The following SLC39A8 variants were observed in gnomAD, a reference collection of about 807,000 sequenced individuals.
SLC39A8 encodes the protein metal cation symporter ZIP8.
Under a neutral mutation model 40.4 loss-of-function variants are expected in SLC39A8, and 15 were observed. The observed-to-expected ratio is 0.37, with a 90% CI of 0.25 to 0.57. The LOEUF (loss-of-function observed/expected upper bound fraction) is 0.57. SLC39A8 is among the 20% of genes least tolerant of loss of function. The pLI is 0.75. For missense variants in SLC39A8, 472 were observed against 558.8 expected (o/e 0.84, Z 1.57); for synonymous variants, 223 against 221.6 (o/e 1.01, Z -0.06).
intron 6 of SLC39A8, among the ~76,000 whole-genome samples, chr4:102,303,370 A>G (rs147300220): frequency 4.5e-4 from 68 of 152,038 alleles, no homozygotes; most frequent in Non-Finnish European, 7.1e-4. Context: ...CTAAGCACTT[A>G]GATTAGTCTA....
chr4:102,308,023 T>C (rs1327617202), intron 3 of SLC39A8, among the ~76,000 whole-genome samples: 1 of 120,358 alleles, frequency 8.3e-6, no homozygotes, highest in East Asian at 2.8e-4. Context: ...GACAAAGGTA[T>C]GGGGTGATGG....
intron 6 of SLC39A8, among the ~76,000 whole-genome samples, chr4:102,301,589 A>T (rs1320708089): frequency 1.3e-5 from 2 of 152,106 alleles, no homozygotes; most frequent in African/African-American, 4.8e-5. Flanking sequence ...AGGACAATGA[A>T]CAGGAACTCA....
At chr4:102,297,045 C>A (rs776006122) in intron 6 of SLC39A8, among the ~76,000 whole-genome samples, 1 of 151,896 alleles carries the variant, frequency 6.6e-6, no homozygotes, top group Non-Finnish European at 1.5e-5. Context: ...GTTACAATGA[C>A]CCTGTCTCAA....
At chr4:102,261,187 T>G (rs767476803), downstream of SLC39A8, among the ~76,000 whole-genome samples, 1 of 152,196 alleles carries the variant, frequency 6.6e-6, no homozygotes, top group Admixed American at 6.5e-5. Flanking sequence ...GGACCTTAAA[T>G]GAGCACAGAA....
chr4:102,299,287 T>C (rs575030482), intron 6 of SLC39A8, among the ~76,000 whole-genome samples: 1 of 151,192 alleles, frequency 6.6e-6, no homozygotes, highest in Non-Finnish European at 1.5e-5. Context: ...TCAGTTTTTT[T>C]TGTATTTCAT....
At chr4:102,304,260 T>C in intron 6 of SLC39A8, 57 bp downstream of exon 6, 2 of 1,402,712 alleles carry the variant, frequency 1.4e-6, no homozygotes, top group Non-Finnish European at 2.0e-6. Flanking sequence ...TAAACAGTCA[T>C]GTTTACACAG....
At chr4:102,320,860 C>T (rs926396992) in intron 2 of SLC39A8, among the ~76,000 whole-genome samples, 2 of 150,282 alleles carry the variant, frequency 1.3e-5, no homozygotes, top group African/African-American at 4.9e-5. Flanking sequence ...GCAATGTTTC[C>T]TGAATGAAAT....
At chr4:102,264,208 T>G (rs1302685902) in intron 8 of SLC39A8, among the ~76,000 whole-genome samples, 7 of 152,210 alleles carry the variant, frequency 4.6e-5, no homozygotes, top group Non-Finnish European at 1.0e-4. Flanking sequence ...TGATATGATT[T>G]GTAAGTCAAA....
At position 102,344,846 on chromosome 4, in the gene SLC39A8, G is replaced by C; in HGVS notation, c.-184C>G. ...GAAAGAACAGCAGCTCGCGACCTGC[G>C]GGGCATTGAAGTGGCAGCGTAGCCG... On this transcript the variant is annotated 5_prime_UTR_variant, in exon 2 of 9. Transcript: ENST00000356736. The C allele has an allele frequency of 1.5e-6, 2 of 1,317,904 alleles. No homozygotes were observed. The highest frequency in any genetic ancestry group is 1.9e-6 in the Non-Finnish European group (2 of 1,039,124). 81.6% of individuals were successfully genotyped at this position (1,317,904 alleles called of 1,614,324 possible). A position where few individuals can be genotyped will look rare whatever the true frequency, so the allele number is the denominator to read the frequency against.
intron 6 of SLC39A8, among the ~76,000 whole-genome samples, chr4:102,288,080 A>G (rs1733260117): frequency 1.3e-5 from 2 of 152,126 alleles, no homozygotes; most frequent in Admixed American, 6.6e-5. Flanking sequence ...TGTGCTTCTC[A>G]GATATTGTGA....
intron 6 of SLC39A8, among the ~76,000 whole-genome samples, chr4:102,297,136 A>G (rs538894885): frequency 2.6e-5 from 4 of 152,240 alleles, no homozygotes; most frequent in African/African-American, 9.6e-5. Flanking sequence ...TATTCTAAAA[A>G]TGTTCAGAGA....
chr4:102,304,289 A>C, intron 6 of SLC39A8, 28 bp downstream of exon 6: 1 of 1,578,750 alleles, frequency 6.3e-7, no homozygotes. Context: ...ATGCAGTATA[A>C]TGAAGGAAAA....
chr4:102,313,123 C>T (rs1734517324), intron 3 of SLC39A8, among the ~76,000 whole-genome samples: 3 of 151,996 alleles, frequency 2.0e-5, no homozygotes, highest in African/African-American at 7.2e-5. Flanking sequence ...ATAAATGATA[C>T]TTGGTGATTT....
At chr4:102,259,376 C>T, downstream of SLC39A8, 1 of 992,016 alleles carries the variant, frequency 1.0e-6, no homozygotes, top group Admixed American at 2.1e-5. Context: ...TGCACAGTCA[C>T]TGCAGAAGGA....
chr4:102,344,195 G>C (rs906008819), intron 2 of SLC39A8, among the ~76,000 whole-genome samples: 4 of 152,124 alleles, frequency 2.6e-5, no homozygotes, highest in African/African-American at 9.7e-5. Flanking sequence ...AAAATCACCA[G>C]AGTCGGACCT....
rs576002674 is a variant in SLC39A8 at position 102,344,337 on chromosome 4, A to G, written c.219+107T>C. 671 of 753,990 alleles carry G rather than the reference A, an allele frequency of 8.9e-4. 4 individuals carry two copies. In the Middle Eastern group the frequency reaches 0.028, roughly 31 times the overall value. The allele number at this position is 753,990 out of a possible 1,614,324, so 46.7% of individuals were successfully genotyped here. ...TACCGCCTTCTACTTGAGAAATATA[A>G]CAAGATTCTTTCTCCTGCACTTTTC... On this transcript the variant is annotated intron_variant, in intron 2 of 8. Transcript: ENST00000356736.
chr4:102,268,116 C>T, intron 6 of SLC39A8, 37 bp from the exon 7 acceptor site: 1 of 1,603,242 alleles, frequency 6.2e-7, no homozygotes, highest in East Asian at 2.2e-5. Flanking sequence ...ACCAACATTT[C>T]TTGAAAGTCT....
intron 2 of SLC39A8, among the ~76,000 whole-genome samples, chr4:102,316,522 G>A (rs1734665413): frequency 2.0e-5 from 3 of 151,942 alleles, no homozygotes; most frequent in Admixed American, 6.6e-5. Flanking sequence ...ATTTTTTAAA[G>A]GTATAATGTT....
At chr4:102,310,547 C>A (rs911004458) in intron 3 of SLC39A8, among the ~76,000 whole-genome samples, 8 of 152,140 alleles carry the variant, frequency 5.3e-5, no homozygotes, top group African/African-American at 1.9e-4. Context: ...GCTTATCCAA[C>A]TTTCTAACTT....
Sources: gnomAD v4.1 joint callset for allele counts (sites outside exome capture counted in the v4.1 genomes callset) on GRCh38, gnomAD v4.1.1 for gene constraint, MANE v1.5 for transcripts, NCBI Gene and HGNC (gene_info 2026-07-23, HGNC 2026-07-21) for gene names.